NHS: variants seen among roughly 807,000 people sequenced by gnomAD.
NHS encodes actin remodeling regulator NHS.
Under a neutral mutation model 72.5 loss-of-function variants are expected in NHS, and 5 were observed. The observed-to-expected ratio is 0.07, with a 90% CI of 0.04 to 0.14. The LOEUF is 0.14. NHS is among the 10% of genes least tolerant of loss of function. NHS has a pLI of 1.00. For synonymous variants in NHS, 464 were observed against 547.7 expected, an observed-to-expected ratio of 0.85 and a Z score of 2.13; for missense variants, 1,072 against 1,355.7, an observed-to-expected ratio of 0.79 and a Z score of 3.29.
chrX:17,386,221 G>A (rs1307125412), intron 1 of NHS, among the ~76,000 whole-genome samples: 4 of 111,894 alleles, frequency 3.6e-5, no homozygotes, highest in Non-Finnish European at 7.5e-5. Flanking sequence ...TCACTGTTAT[G>A]GCACTGTCTA....
intron 5 of NHS, 58 bp downstream of exon 5, chrX:17,721,691 A>G (rs2066407541): frequency 9.7e-7 from 1 of 1,026,490 alleles, no homozygotes; most frequent in Non-Finnish European, 1.3e-6. Flanking sequence ...TGTATTAAAT[A>G]TGTTCAAAAT....
intron 2 of NHS, among the ~76,000 whole-genome samples, chrX:17,690,923 T>C (rs1352852019): frequency 2.7e-5 from 3 of 111,688 alleles, no homozygotes; most frequent in African/African-American, 9.8e-5. Flanking sequence ...AAATAGATAA[T>C]TATATTTTAT....
In NHS at chrX:17,725,818, G is replaced by A; in HGVS notation, c.1712G>A (p.Ser571Asn). 8.3e-7 allele frequency: 1 copy of A among 1,211,601 alleles called. No individual in the cohort carries two copies. The highest frequency in any genetic ancestry group is 1.1e-6 in the Non-Finnish European group (1 of 895,461). ...LGLACSQHLH[S>N]PQHKLSERGR... The stretch of plus-strand genomic sequence containing the variant: ...CTGGCCTGCTCTCAACATCTTCACA[G>A]CCCCCAGCACAAATTAAGTGAGAGG... Residue 571 changes from serine to asparagine, a missense_variant, in exon 7 of 9, where the codon AGC becomes AAC. Physicochemically the swap from Ser to Asn is conservative, Grantham distance 46. Coordinates refer to ENST00000676302, the MANE Select transcript of NHS (RefSeq NM_001291867.2).
chrX:17,678,182 G>C, intron 1 of NHS, among the ~76,000 whole-genome samples: 2 of 111,114 alleles, frequency 1.8e-5, no homozygotes, highest in South Asian at 7.6e-4. Context: ...AAATTGCTTG[G>C]AAACATGCTA....
intron 1 of NHS, among the ~76,000 whole-genome samples, chrX:17,442,205 G>C (rs2047434363): frequency 8.9e-6 from 1 of 112,464 alleles, no homozygotes; most frequent in Admixed American, 9.4e-5. Context: ...AGTCTTTGTG[G>C]TGTAGCACAG....
At chrX:17,395,602 C>T (rs1404940561) in intron 1 of NHS, among the ~76,000 whole-genome samples, 3 of 111,653 alleles carry the variant, frequency 2.7e-5, no homozygotes, top group East Asian at 2.8e-4. Flanking sequence ...AATTCAGGAA[C>T]GAATCAACCC....
intron 1 of NHS, among the ~76,000 whole-genome samples, chrX:17,566,297 A>G (rs1185200225): frequency 9.0e-6 from 1 of 111,268 alleles, no homozygotes; most frequent in Non-Finnish European, 1.9e-5. Context: ...TTTCCATGTT[A>G]ATCACTGAAC....
intron 1 of NHS, among the ~76,000 whole-genome samples, chrX:17,612,205 T>G (rs944698421): frequency 6.4e-5 from 7 of 109,091 alleles, no homozygotes; most frequent in East Asian, 2.8e-4. Flanking sequence ...TTTTTTTTTT[T>G]GGGCAGGGCC....
intron 1 of NHS, among the ~76,000 whole-genome samples, chrX:17,544,328 A>G (rs2065279702): frequency 9.0e-6 from 1 of 111,689 alleles, no homozygotes; most frequent in Non-Finnish European, 1.9e-5. Context: ...CTTTGTGTAT[A>G]ATCCCCACCA....
chrX:17,645,804 G>T (rs182011869), intron 1 of NHS, among the ~76,000 whole-genome samples: 127 of 112,177 alleles, frequency 1.1e-3, no homozygotes, highest in Non-Finnish European at 2.2e-3. Flanking sequence ...TAAAAATATT[G>T]TTTGTTAAGA....
At chrX:17,429,636 TG>T (rs1286616206) in intron 1 of NHS, among the ~76,000 whole-genome samples, 5 of 111,336 alleles carry the variant, frequency 4.5e-5, no homozygotes, top group Non-Finnish European at 9.4e-5. Context: ...GTTCCCACAC[TG>T]GGGGGATCAG....
At chrX:17,473,786 T>A (rs1431115759) in intron 1 of NHS, among the ~76,000 whole-genome samples, 2 of 112,037 alleles carry the variant, frequency 1.8e-5, no homozygotes, top group Admixed American at 1.9e-4. Context: ...TTAGACATAA[T>A]GGATTAAATA....
chrX:17,416,846 A>G (rs1362831125), intron 1 of NHS, among the ~76,000 whole-genome samples: 4 of 104,118 alleles, frequency 3.8e-5, no homozygotes, highest in South Asian at 4.3e-4. Flanking sequence ...GAGAGAGACA[A>G]ACTAGGGAGT....
Position 17,572,491 on chromosome X carries a change from C to CTTTTTTTTTTTTTTTTTTTTTT in NHS, c.566-115250_566-115229dup, listed in dbSNP as rs760577193. On this transcript the variant is annotated intron_variant, in intron 1 of 8. Coordinates refer to ENST00000676302, the MANE Select transcript of NHS (RefSeq NM_001291867.2). ...TCAGAGACCAGGACTGCAACCCCTGCTTTTTTTTTTTTTTTTTTTTTTGCT... is the reference window on the plus strand; with the variant it reads ...TCAGAGACCAGGACTGCAACCCCTGCTTTTTTTTTTTTTTTTTTTTTTTTTTTTTTTTTTTTTTTTTTTTGCT... Among the ~76,000 whole-genome samples, 3 of 46,764 alleles carry CTTTTTTTTTTTTTTTTTTTTTT rather than the reference C, an allele frequency of 6.4e-5. 1 individual carries two copies. Among genetic ancestry groups the CTTTTTTTTTTTTTTTTTTTTTT allele is most frequent in the African/African-American group, 2.6e-4 (2 of 7,668 alleles). The allele number at this position is 46,764 out of a possible 115,157, so 40.6% of individuals were successfully genotyped here. A position where few individuals can be genotyped will look rare whatever the true frequency, so the allele number is the denominator to read the frequency against.
intron 1 of NHS, among the ~76,000 whole-genome samples, chrX:17,573,251 T>C (rs908725509): frequency 8.9e-6 from 1 of 111,856 alleles, no homozygotes; most frequent in Non-Finnish European, 1.9e-5. Context: ...GAAATTCTCC[T>C]GGATAATATC....
At chrX:17,507,713 A>G (rs1472220004) in intron 1 of NHS, among the ~76,000 whole-genome samples, 1 of 112,212 alleles carries the variant, frequency 8.9e-6, no homozygotes, top group African/African-American at 3.2e-5. Context: ...CAAGACATAG[A>G]CAAAACTGCT....
At chrX:17,718,918 GAAGA>G (rs1482576151) in intron 3 of NHS, among the ~76,000 whole-genome samples, 2 of 91,678 alleles carry the variant, frequency 2.2e-5, no homozygotes, top group Non-Finnish European at 2.2e-5. Flanking sequence ...GGAAAGGAAG[GAAGA>G]AAGGAAGGAA....
rs922416378 is a variant in NHS, at chrX:17,708,791, A to G, written c.853-10553A>G. Among the ~76,000 whole-genome samples, 3 of 111,286 alleles carry G rather than the reference A, an allele frequency of 2.7e-5. No individual in the cohort carries two copies. In the Admixed American group the frequency reaches 2.9e-4, roughly 11 times the overall value. On this transcript the variant is annotated intron_variant, in intron 3 of 8. Coordinates refer to ENST00000676302, the MANE Select transcript of NHS (RefSeq NM_001291867.2). The stretch of plus-strand genomic sequence containing the variant: ...GTTCAAATACTTTGCTTTGGCTGGT[A>G]AGAAAAGGGGTGTGTCAATAGAGGG...
intron 1 of NHS, among the ~76,000 whole-genome samples, chrX:17,521,647 G>A (rs758076512): frequency 9.0e-6 from 1 of 111,681 alleles, no homozygotes; most frequent in South Asian, 3.7e-4. Context: ...ACTGGCGTGA[G>A]CCACCATGCC....
Sources: gnomAD v4.1 joint callset for allele counts (sites outside exome capture counted in the v4.1 genomes callset) on GRCh38, gnomAD v4.1.1 for gene constraint, MANE v1.5 for transcripts, NCBI Gene and HGNC (gene_info 2026-07-23, HGNC 2026-07-21) for gene names.